The following TRIM33 variants were observed in gnomAD, a reference collection of about 807,000 sequenced individuals.
The protein encoded by TRIM33 is tripartite motif containing 33.
TRIM33 carries 20 observed loss-of-function variants against 125.4 expected under a neutral mutation model. The ratio of observed to expected loss-of-function variants is 0.16; its 90% CI spans 0.11 to 0.23. The LOEUF is 0.23. Among genes scored for constraint, TRIM33 ranks in the 10% least tolerant of loss-of-function variants. The probability of loss-of-function intolerance (pLI) is 1.00; values close to 1 mark genes in which losing one functional copy is unlikely to be tolerated. For synonymous variants in TRIM33, 564 were observed against 513.9 expected (o/e 1.10, Z -1.32); for missense variants, 920 against 1,411.4 (o/e 0.65, Z 5.58).
chr1:114,495,210 T>C (rs1652302337), intron 1 of TRIM33, among the ~76,000 whole-genome samples: 1 of 152,108 alleles, frequency 6.6e-6, no homozygotes, highest in South Asian at 2.1e-4. Context: ...CCCCCATGCC[T>C]GCCAAAATAG....
intron 10 of TRIM33, among the ~76,000 whole-genome samples, chr1:114,422,830 C>T (rs1346858797): frequency 1.3e-5 from 2 of 152,068 alleles, no homozygotes; most frequent in African/African-American, 2.4e-5. Context: ...TTTTCTCAGC[C>T]TATAACCTAG....
At chr1:114,419,586 G>C (rs1653151490) in intron 11 of TRIM33, among the ~76,000 whole-genome samples, 4 of 152,240 alleles carry the variant, frequency 2.6e-5, no homozygotes, top group African/African-American at 9.6e-5. Context: ...GTATGGTCCA[G>C]TCCTCTCATC....
At chr1:114,421,378 C>G in intron 11 of TRIM33, 58 bp downstream of exon 11, 1 of 1,467,736 alleles carries the variant, frequency 6.8e-7, no homozygotes, top group Non-Finnish European at 9.5e-7. Context: ...GAAATAAATA[C>G]TCTAACTCTG....
At chr1:114,442,762 G>C (rs965089161) in intron 4 of TRIM33, among the ~76,000 whole-genome samples, 3 of 150,232 alleles carry the variant, frequency 2.0e-5, no homozygotes, top group Non-Finnish European at 3.0e-5. Flanking sequence ...AAAAAAGTGA[G>C]TTTCAGCAAA....
At chr1:114,473,627 T>C (rs938681997) in intron 1 of TRIM33, among the ~76,000 whole-genome samples, 2 of 152,156 alleles carry the variant, frequency 1.3e-5, no homozygotes, top group East Asian at 1.9e-4. Flanking sequence ...GGGTGGAGCA[T>C]GTGATCGAAA....
At chr1:114,482,082 T>A (rs774548291) in intron 1 of TRIM33, among the ~76,000 whole-genome samples, 5 of 152,174 alleles carry the variant, frequency 3.3e-5, no homozygotes, top group Non-Finnish European at 7.4e-5. Flanking sequence ...AAATGTTCTA[T>A]ATCTGCACTG....
At chr1:114,496,139 C>A (rs890861063) in intron 1 of TRIM33, among the ~76,000 whole-genome samples, 1 of 152,170 alleles carries the variant, frequency 6.6e-6, no homozygotes, top group Non-Finnish European at 1.5e-5. Flanking sequence ...AATACCTTAC[C>A]CTCATATCTG....
At position 114,395,632 on chromosome 1, in the gene TRIM33, A is replaced by G. The variant is rs1286951878; in HGVS notation, c.*2016T>C. The G allele has an allele frequency of 1.0e-5, 2 of 197,856 alleles. No homozygotes were observed. Among genetic ancestry groups the G allele is most frequent in the Admixed American group, 6.1e-5 (1 of 16,504 alleles). The allele number at this position is 197,856 out of a possible 1,614,324, so 12.3% of individuals were successfully genotyped here. A position where few individuals can be genotyped will look rare whatever the true frequency, so the allele number is the denominator to read the frequency against. On this transcript the variant is annotated 3_prime_UTR_variant, in exon 20 of 20. Transcript: ENST00000358465. ...ATGGATTTTGTGAAAAAAGAGGGAA[A>G]TTGGCATAGGCATAAGTATTTTTAA... is the stretch of plus-strand genomic sequence containing the variant.
intron 4 of TRIM33, among the ~76,000 whole-genome samples, chr1:114,453,124 G>C (rs543942294): frequency 6.6e-6 from 1 of 152,114 alleles, no homozygotes; most frequent in Non-Finnish European, 1.5e-5. Flanking sequence ...AGCACTTTGG[G>C]AAGCCGAGGT....
At chr1:114,442,744 G>C (rs1254008245) in intron 4 of TRIM33, among the ~76,000 whole-genome samples, 3 of 150,284 alleles carry the variant, frequency 2.0e-5, no homozygotes, top group Non-Finnish European at 3.0e-5. Context: ...AGAATTTACG[G>C]AAGAACTAAA....
chr1:114,430,110 G>C (rs1647849368), intron 6 of TRIM33, among the ~76,000 whole-genome samples: 1 of 151,922 alleles, frequency 6.6e-6, no homozygotes, highest in African/African-American at 2.4e-5. Flanking sequence ...ATACACAAAT[G>C]ACTCAAGCAG....
chr1:114,446,972 T>C (rs1649018805), intron 4 of TRIM33, among the ~76,000 whole-genome samples: 3 of 152,006 alleles, frequency 2.0e-5, no homozygotes, highest in African/African-American at 7.2e-5. Flanking sequence ...ACCCAGAAGG[T>C]TGAAATGTTT....
At chr1:114,489,569 T>G (rs548560425) in intron 1 of TRIM33, among the ~76,000 whole-genome samples, 1 of 150,020 alleles carries the variant, frequency 6.7e-6, no homozygotes, top group South Asian at 2.1e-4. Context: ...CACAGCAAAA[T>G]CCTGTCTCTA....
intron 1 of TRIM33, among the ~76,000 whole-genome samples, chr1:114,491,466 A>G (rs1437314107): frequency 6.6e-6 from 1 of 152,220 alleles, no homozygotes; most frequent in South Asian, 2.1e-4. Context: ...CAGTCAATAC[A>G]TAACATTTTT....
At chr1:114,430,698 C>T in intron 6 of TRIM33, 100 bp downstream of exon 6, 1 of 729,172 alleles carries the variant, frequency 1.4e-6, no homozygotes, top group Non-Finnish European at 2.4e-6. Context: ...TCCTTTATTT[C>T]CATACCCCCC....
intron 1 of TRIM33, among the ~76,000 whole-genome samples, chr1:114,492,139 C>T (rs1652107434): frequency 6.6e-6 from 1 of 152,092 alleles, no homozygotes; most frequent in African/African-American, 2.4e-5. Context: ...TGCTGCTCTG[C>T]CCATGTGTAG....
chr1:114,485,563 C>T (rs940050653), intron 1 of TRIM33, among the ~76,000 whole-genome samples: 3 of 152,090 alleles, frequency 2.0e-5, no homozygotes, highest in African/African-American at 7.2e-5. Flanking sequence ...GAACTTAAAC[C>T]CTAAATCAGA....
chr1:114,508,958 T>C (rs1332894011), intron 1 of TRIM33, among the ~76,000 whole-genome samples: 1 of 152,182 alleles, frequency 6.6e-6, no homozygotes, highest in Non-Finnish European at 1.5e-5. Context: ...CAAAGTAGAT[T>C]TCCAAACCCT....
intron 4 of TRIM33, among the ~76,000 whole-genome samples, chr1:114,457,685 G>A (rs931839705): frequency 6.6e-6 from 1 of 152,136 alleles, no homozygotes; most frequent in African/African-American, 2.4e-5. Flanking sequence ...TCCTGTGATC[G>A]GATGGGTGCT....
Sources: gnomAD v4.1 joint callset for allele counts (sites outside exome capture counted in the v4.1 genomes callset) on GRCh38, gnomAD v4.1.1 for gene constraint, MANE v1.5 for transcripts, NCBI Gene and HGNC (gene_info 2026-07-23, HGNC 2026-07-21) for gene names.